The following FOXP2 variants were observed in gnomAD, a reference collection of about 807,000 sequenced individuals.
FOXP2 encodes forkhead box protein P2.
A neutral mutation model predicts 115.8 loss-of-function variants in FOXP2; 12 were observed. The observed-to-expected ratio is 0.10, with a 90% CI of 0.07 to 0.17. The LOEUF (loss-of-function observed/expected upper bound fraction) is 0.17, where lower values mean the gene tolerates loss of function less well. FOXP2 is among the 10% of genes least tolerant of loss of function. The pLI is 1.00. For missense variants in FOXP2, 629 were observed against 843.5 expected (o/e 0.75, Z 3.15); for synonymous variants, 328 against 297.7 (o/e 1.10, Z -1.05).
At chr7:114,295,829 G>C (rs1796730633) in intron 2 of FOXP2, among the ~76,000 whole-genome samples, 1 of 152,046 alleles carries the variant, frequency 6.6e-6, no homozygotes, top group African/African-American at 2.4e-5. Context: ...CATTTTCACT[G>C]TTGCTTTGCC....
upstream of FOXP2, among the ~76,000 whole-genome samples, chr7:114,160,639 G>A (rs547566541): frequency 5.3e-5 from 8 of 152,244 alleles, no homozygotes; most frequent in Admixed American, 3.3e-4. Flanking sequence ...ATAGTAAAGT[G>A]TCATGTTGAT....
At chr7:114,655,660 G>T (rs958929962) in intron 10 of FOXP2, among the ~76,000 whole-genome samples, 12 of 151,964 alleles carry the variant, frequency 7.9e-5, no homozygotes, top group African/African-American at 2.7e-4. Flanking sequence ...TGATAGTAGA[G>T]ATTTATGGTC....
chr7:114,645,239 A>C (rs1202205183), intron 8 of FOXP2: 1 of 145,446 alleles, frequency 6.9e-6, no homozygotes, highest in Non-Finnish European at 1.5e-5. Flanking sequence ...ATTTTTTAAA[A>C]TAGTAGTATT....
rs570926554 is a variant in FOXP2, at chr7:114,462,146, T to G, written c.168+35467T>G. ...AAATACAAAAATTAGCCGGGCGCGG[T>G]GGCACGTGCCTGTAGTCCCAGCTAC... On this transcript the variant is annotated intron_variant, in intron 2 of 16. Coordinates refer to ENST00000350908, the MANE Select transcript of FOXP2 (RefSeq NM_014491.4). Among the ~76,000 whole-genome samples, 214 of 150,848 alleles carry G rather than the reference T, an allele frequency of 1.4e-3. 1 individual carries two copies. Among genetic ancestry groups the G allele is most frequent in the Non-Finnish European group, 1.2e-3 (82 of 67,694 alleles).
At chr7:114,509,959 G>A (rs1584827057) in intron 2 of FOXP2, among the ~76,000 whole-genome samples, 2 of 151,992 alleles carry the variant, frequency 1.3e-5, no homozygotes, top group East Asian at 1.9e-4. Context: ...CTTTGAGATC[G>A]GGAGAGGTAG....
chr7:114,583,845 A>G (rs1801988368), intron 3 of FOXP2, among the ~76,000 whole-genome samples: 2 of 152,156 alleles, frequency 1.3e-5, no homozygotes, highest in Admixed American at 1.3e-4. Flanking sequence ...CTTTCCCCAC[A>G]TTTTTTAAGT....
At position 114,652,272 on chromosome 7, in the gene FOXP2, G is replaced by C. The variant is rs1806304987; in HGVS notation, c.1164G>C (p.Val388=). The C allele has an allele frequency of 6.2e-7, 1 of 1,612,694 alleles. No individual in the cohort carries two copies. Among genetic ancestry groups the C allele is most frequent in the Admixed American group, 1.7e-5 (1 of 59,828 alleles). The part of the protein sequence containing the change: ...TAQCRVQMQV[V]QQLEIQLSKE... ...AGTGTCGAGTGCAAATGCAGGTGGT[G>C]CAACAGTTAGAAATACAGGTTTGTT... The change falls in exon 9 of 17, where the codon GTG becomes GTC. Residue 388 remains valine, a synonymous_variant. Transcript: ENST00000350908.
intron 2 of FOXP2, among the ~76,000 whole-genome samples, chr7:114,302,528 A>G (rs1188474936): frequency 3.9e-5 from 6 of 152,174 alleles, no homozygotes; most frequent in Admixed American, 3.3e-4. Flanking sequence ...TAGTAAGAAT[A>G]GAGACAGTAT....
intron 2 of FOXP2, chr7:114,498,945 G>T: frequency 1.4e-6 from 1 of 717,690 alleles, no homozygotes; most frequent in South Asian, 1.5e-5. Flanking sequence ...CTTAACTGAT[G>T]ACCTAGAAGA....
At chr7:114,340,405 A>C (rs1311743848) in intron 2 of FOXP2, among the ~76,000 whole-genome samples, 1 of 151,210 alleles carries the variant, frequency 6.6e-6, no homozygotes, top group African/African-American at 2.4e-5. Context: ...TGGTCACAGA[A>C]AAAATGTGCC....
chr7:114,152,989 A>G (rs1267249937), intron 1 of FOXP2, among the ~76,000 whole-genome samples: 1 of 152,154 alleles, frequency 6.6e-6, no homozygotes, highest in Non-Finnish European at 1.5e-5. Context: ...TTGCTATAGA[A>G]TGACATAAAT....
At chr7:114,480,016 G>A (rs1796453436) in intron 2 of FOXP2, among the ~76,000 whole-genome samples, 1 of 151,358 alleles carries the variant, frequency 6.6e-6, no homozygotes, top group African/African-American at 2.4e-5. Context: ...TTGCCACAGA[G>A]TAATTTCTTG....
At chr7:114,115,550 G>T (rs747214095) in intron 1 of FOXP2, among the ~76,000 whole-genome samples, 1 of 151,942 alleles carries the variant, frequency 6.6e-6, no homozygotes, top group Non-Finnish European at 1.5e-5. Flanking sequence ...TCTTGTCTCA[G>T]AGCCCTTATT....
At chr7:114,526,406 G>A (rs1562976825) in intron 2 of FOXP2, among the ~76,000 whole-genome samples, 1 of 151,008 alleles carries the variant, frequency 6.6e-6, no homozygotes, top group South Asian at 2.1e-4. Flanking sequence ...GAACCCAGGA[G>A]GCAGAGGTTG....
At chr7:114,479,770 A>G (rs766242083) in intron 2 of FOXP2, among the ~76,000 whole-genome samples, 1 of 151,516 alleles carries the variant, frequency 6.6e-6, no homozygotes, top group Admixed American at 6.6e-5. Context: ...GTAAATTTTT[A>G]TTGGAATATC....
intron 2 of FOXP2, among the ~76,000 whole-genome samples, chr7:114,389,927 G>A (rs1792546173): frequency 6.6e-6 from 1 of 150,956 alleles, no homozygotes; most frequent in Admixed American, 6.6e-5. Flanking sequence ...AGGAGGTGGA[G>A]GCATGAGAAT....
At chr7:114,352,095 C>G (rs1429672059) in intron 2 of FOXP2, among the ~76,000 whole-genome samples, 1 of 151,162 alleles carries the variant, frequency 6.6e-6, no homozygotes, top group Non-Finnish European at 1.5e-5. Context: ...TGGCAAAATG[C>G]CATCTCTAAC....
intron 6 of FOXP2, among the ~76,000 whole-genome samples, chr7:114,641,969 C>A (rs1805558659): frequency 6.6e-6 from 1 of 151,880 alleles, no homozygotes; most frequent in Non-Finnish European, 1.5e-5. Flanking sequence ...TCACACCCAG[C>A]TCATTTTTGT....
rs144738118 is a variant in FOXP2, at chr7:114,414,902, ACT to A, written c.-467_-466del. The A allele has an allele frequency of 0.054, 19,603 of 362,490 alleles. 628 individuals carry two copies. Among genetic ancestry groups the A allele is most frequent in the Admixed American group, 0.11 (3,170 of 29,032 alleles). 22.5% of individuals were successfully genotyped at this position (362,490 alleles called of 1,614,324 possible). ...CTGTCTTTCTCTCTCTCACACACAC[ACT>A]CACACACTCACACACATGCACACAC... On this transcript the variant is annotated 5_prime_UTR_variant, in exon 1 of 17. The change abolishes the stop of an existing upstream ORF in the 5' untranslated region. Coordinates refer to ENST00000350908, the MANE Select transcript of FOXP2 (RefSeq NM_014491.4).
Sources: allele counts gnomAD v4.1 joint callset (sites outside exome capture counted in the v4.1 genomes callset), GRCh38; gene constraint gnomAD v4.1.1; transcripts MANE v1.5; gene names NCBI Gene and HGNC (gene_info 2026-07-23, HGNC 2026-07-21).